The following APBA2 variants were observed in gnomAD, a reference collection of about 807,000 sequenced individuals.
APBA2 encodes amyloid-beta A4 precursor protein-binding family A member 2.
Under a neutral mutation model 75.0 loss-of-function variants are expected in APBA2, and 30 were observed. The ratio of observed to expected loss-of-function variants is 0.40; its 90% CI spans 0.30 to 0.54. APBA2 has a LOEUF of 0.54. APBA2 is among the 20% of genes least tolerant of loss of function. APBA2 has a pLI of 0.49. For missense variants in APBA2, 801 were observed against 1,016.1 expected (o/e 0.79, Z 2.88); for synonymous variants, 444 against 409.6 (o/e 1.08, Z -1.01).
intron 3 of APBA2, among the ~76,000 whole-genome samples, chr15:29,045,012 G>C (rs67807770): frequency 0.037 from 5,569 of 151,202 alleles, 222 homozygotes; most frequent in East Asian, 0.19. Flanking sequence ...CAGCTCTCTG[G>C]GGTCTTTTTC....
chr15:28,925,213 G>A (rs973722419), intron 2 of APBA2, among the ~76,000 whole-genome samples: 5 of 152,076 alleles, frequency 3.3e-5, no homozygotes, highest in Non-Finnish European at 5.9e-5. Context: ...CAACATTGCA[G>A]CCTTGGAAAA....
intron 2 of APBA2, among the ~76,000 whole-genome samples, chr15:28,946,013 A>G (rs2035531305): frequency 6.6e-6 from 1 of 152,174 alleles, no homozygotes; most frequent in South Asian, 2.1e-4. Flanking sequence ...TAACAAGCCT[A>G]TTACTGTTAT....
At chr15:29,092,220 G>A (rs117466059) in intron 6 of APBA2, among the ~76,000 whole-genome samples, 2 of 152,198 alleles carry the variant, frequency 1.3e-5, no homozygotes, top group East Asian at 1.9e-4. Context: ...CCTAAAACAC[G>A]TACCATCTCC....
intron 3 of APBA2, among the ~76,000 whole-genome samples, chr15:29,003,189 G>A (rs1466310530): frequency 6.6e-6 from 1 of 152,114 alleles, no homozygotes; most frequent in African/African-American, 2.4e-5. Flanking sequence ...CTTGGAGGGT[G>A]CGGCATGGGG....
chr15:29,040,516 G>A (rs767300670), intron 3 of APBA2, among the ~76,000 whole-genome samples: 3 of 152,202 alleles, frequency 2.0e-5, no homozygotes, highest in Non-Finnish European at 4.4e-5. Flanking sequence ...AATAGAAACC[G>A]TGGCCCGGGT....
intron 8 of APBA2, 31 bp from the exon 9 acceptor site, chr15:29,098,458 TG>T (rs763766204): frequency 1.3e-5 from 21 of 1,561,694 alleles, no homozygotes; most frequent in Non-Finnish European, 1.9e-5. Flanking sequence ...AGTTGGTTTT[TG>T]GACTTTAACA....
intron 2 of APBA2, among the ~76,000 whole-genome samples, chr15:28,946,815 G>A (rs2035576878): frequency 6.6e-6 from 1 of 152,196 alleles, no homozygotes; most frequent in Admixed American, 6.5e-5. Context: ...CTGGGCTCAA[G>A]GGATCCACCT....
At chr15:28,908,951 C>T (rs2033282543) in intron 1 of APBA2, among the ~76,000 whole-genome samples, 1 of 151,732 alleles carries the variant, frequency 6.6e-6, no homozygotes, top group African/African-American at 2.4e-5. Flanking sequence ...CCTCCTTCCA[C>T]CTCCCCCAGC....
At chr15:29,062,009 G>A (rs532117002) in intron 4 of APBA2, among the ~76,000 whole-genome samples, 22 of 152,246 alleles carry the variant, frequency 1.4e-4, no homozygotes, top group African/African-American at 5.3e-4. Flanking sequence ...AGGAGGGAGT[G>A]GTCTGGGGTT....
intron 2 of APBA2, among the ~76,000 whole-genome samples, chr15:28,923,894 T>A (rs1298341828): frequency 6.6e-6 from 1 of 152,230 alleles, no homozygotes. Flanking sequence ...GGGCTCCTCA[T>A]CCCTGTGCTG....
chr15:28,930,626 C>A (rs1300951176), intron 2 of APBA2, among the ~76,000 whole-genome samples: 1 of 152,026 alleles, frequency 6.6e-6, no homozygotes, highest in Admixed American at 6.6e-5. Flanking sequence ...GGGAGTGTTC[C>A]GAGGGATGGA....
chr15:28,930,118 G>A (rs969122745), intron 2 of APBA2, among the ~76,000 whole-genome samples: 2 of 152,198 alleles, frequency 1.3e-5, no homozygotes. Flanking sequence ...GTCCCTCCCT[G>A]ACAGTGCAGC....
chr15:28,986,234 C>CTT (rs1180895610), intron 2 of APBA2, among the ~76,000 whole-genome samples: 1 of 152,200 alleles, frequency 6.6e-6, no homozygotes. Context: ...TGCGTCCTTG[C>CTT]TTGTCACTGC....
At chr15:29,111,380 G>C (rs1001659418) in intron 13 of APBA2, among the ~76,000 whole-genome samples, 1 of 152,118 alleles carries the variant, frequency 6.6e-6, no homozygotes, top group South Asian at 2.1e-4. Context: ...ATGCAGGGGA[G>C]ATGCTGGCAG....
At chr15:29,038,665 ATTTTTT>A (rs67217686) in intron 3 of APBA2, among the ~76,000 whole-genome samples, 10 of 105,462 alleles carry the variant, frequency 9.5e-5, no homozygotes, top group African/African-American at 1.8e-4. Context: ...ATATGCAGGC[ATTTTTT>A]TTTTTTTTTT....
intron 1 of APBA2, among the ~76,000 whole-genome samples, chr15:28,897,936 GAT>G (rs931580440): frequency 5.3e-5 from 8 of 152,162 alleles, no homozygotes; most frequent in African/African-American, 1.7e-4. Context: ...GTAATGAAGA[GAT>G]TGTCTTGAAT....
chr15:29,033,962 C>A (rs1224812878), intron 3 of APBA2, among the ~76,000 whole-genome samples: 5 of 73,954 alleles, frequency 6.8e-5, no homozygotes, highest in African/African-American at 5.1e-4. Context: ...GAGACTCCAT[C>A]TCAAAAAAAA....
At chr15:28,890,104 G>A (rs945301366) in intron 1 of APBA2, among the ~76,000 whole-genome samples, 3 of 152,106 alleles carry the variant, frequency 2.0e-5, no homozygotes, top group Admixed American at 6.6e-5. Flanking sequence ...TCCTTTTCCC[G>A]CGTCCCAGAG....
chr15:28,959,462 A>T (rs965898799), intron 2 of APBA2, among the ~76,000 whole-genome samples: 2 of 152,198 alleles, frequency 1.3e-5, no homozygotes, highest in African/African-American at 4.8e-5. Context: ...GTAAGAAGAG[A>T]TTCAGACACA....
Sources: allele counts gnomAD v4.1 joint callset (sites outside exome capture counted in the v4.1 genomes callset), GRCh38; gene constraint gnomAD v4.1.1; transcripts MANE v1.5; gene names NCBI Gene and HGNC (gene_info 2026-07-23, HGNC 2026-07-21).